EPHA7: variants seen among roughly 807,000 people sequenced by gnomAD.
EPHA7 encodes the protein ephrin type-A receptor 7.
In EPHA7, 25 loss-of-function variants were observed where a neutral mutation model predicts 112.6. That is an observed-to-expected ratio of 0.22 (90% confidence interval 0.16 to 0.31). The LOEUF (loss-of-function observed/expected upper bound fraction) is 0.31, where lower values mean the gene tolerates loss of function less well. Among genes scored for constraint, EPHA7 ranks in the 10% least tolerant of loss-of-function variants. The pLI, the probability that EPHA7 is intolerant of heterozygous loss-of-function variation, is 1.00. For missense variants in EPHA7, 962 were observed against 1,212.6 expected (o/e 0.79, Z 3.07); for synonymous variants, 437 against 406.5 (o/e 1.07, Z -0.90).
Position 93,356,838 on chromosome 6 carries a change from A to C in EPHA7, c.1203T>G (p.Thr401=). 6.2e-7 allele frequency: 1 copy of C among 1,614,182 alleles called. No individual in the cohort carries two copies. Among genetic ancestry groups the C allele is most frequent in the South Asian group, 1.1e-5 (1 of 91,080 alleles). ...TAGCGTGGGCTAGCAGGTCCATGAC[A>C]GTGACATAGTTATCCTCTAATCCAG... ...QQTGLEDNYV[T]VMDLLAHANY... is the part of the protein sequence containing the mutation. The change falls in exon 5 of 17, where the codon ACT becomes ACG. Residue 401 remains threonine, a synonymous_variant. Coordinates refer to ENST00000369303, the MANE Select transcript of EPHA7 (RefSeq NM_004440.4).
chr6:93,344,363 A>T (rs1485752124), intron 5 of EPHA7, among the ~76,000 whole-genome samples: 1 of 151,514 alleles, frequency 6.6e-6, no homozygotes, highest in Non-Finnish European at 1.5e-5. Context: ...GATGTCAGGG[A>T]TGTGAGAAAA....
intron 5 of EPHA7, among the ~76,000 whole-genome samples, chr6:93,321,195 T>G (rs1280085650): frequency 6.6e-6 from 1 of 151,996 alleles, no homozygotes; most frequent in Non-Finnish European, 1.5e-5. Flanking sequence ...ATAACTGGTC[T>G]CCACCAAGTT....
At chr6:93,349,534 A>G (rs1322614820) in intron 5 of EPHA7, among the ~76,000 whole-genome samples, 1 of 151,918 alleles carries the variant, frequency 6.6e-6, no homozygotes, top group Non-Finnish European at 1.5e-5. Flanking sequence ...TTTAATAACA[A>G]TAACACTATC....
intron 3 of EPHA7, among the ~76,000 whole-genome samples, chr6:93,369,571 T>A (rs1355023253): frequency 6.6e-6 from 1 of 152,188 alleles, no homozygotes; most frequent in Non-Finnish European, 1.5e-5. Flanking sequence ...GCCTCCTCCA[T>A]CTTTTCTGAG....
At chr6:93,364,149 A>G (rs570040022) in intron 3 of EPHA7, among the ~76,000 whole-genome samples, 2 of 152,326 alleles carry the variant, frequency 1.3e-5, no homozygotes, top group East Asian at 3.9e-4. Context: ...CTCTGTGACT[A>G]TAACAAAAAT....
chr6:93,242,726 C>A lies in EPHA7; in HGVS notation c.*700G>T, dbSNP rs546619166. 4.6e-6 allele frequency: 1 copy of A among 215,906 alleles called. No homozygotes were observed. Among genetic ancestry groups the A allele is most frequent in the Admixed American group, 5.8e-5 (1 of 17,148 alleles). 13.4% of individuals were successfully genotyped at this position (215,906 alleles called of 1,614,324 possible). ...GTTGTCTGATCTTTACAAAAAAATTCTTTTTAAAAAATATCAGAGCTCTTG... is the reference window on the plus strand; with the variant it reads ...GTTGTCTGATCTTTACAAAAAAATTATTTTTAAAAAATATCAGAGCTCTTG... On this transcript the variant is annotated 3_prime_UTR_variant, in exon 17 of 17. Coordinates refer to ENST00000369303, the MANE Select transcript of EPHA7 (RefSeq NM_004440.4).
At chr6:93,251,471 T>C (rs78398362) in intron 14 of EPHA7, among the ~76,000 whole-genome samples, 5,435 of 150,884 alleles carry the variant, frequency 0.036, 329 homozygotes, top group African/African-American at 0.12. Context: ...AAATACTTTC[T>C]TACGTTATTT....
Position 93,260,785 on chromosome 6 carries a change from G to C in EPHA7, c.1799-1306C>G, listed in dbSNP as rs1250728848. 31 of 952,528 alleles carry C rather than the reference G, an allele frequency of 3.3e-5. No individual in the cohort carries two copies. In the Admixed American group the frequency reaches 6.5e-4, roughly 20 times the overall value. 59.0% of individuals were successfully genotyped at this position (952,528 alleles called of 1,614,324 possible). A position where few individuals can be genotyped will look rare whatever the true frequency, so the allele number is the denominator to read the frequency against. On this transcript the variant is annotated intron_variant, in intron 9 of 16. Coordinates refer to ENST00000369303, the MANE Select transcript of EPHA7 (RefSeq NM_004440.4). Reference sequence around the variant, plus strand: ...ATGCTCATTTGTTACTAAAGCTGAAGATGAAAAAAAAAACAACACGAGAAG... The same window carrying C: ...ATGCTCATTTGTTACTAAAGCTGAACATGAAAAAAAAAACAACACGAGAAG...
In EPHA7 at chr6:93,365,640, C is replaced by T. The variant is rs371303512; in HGVS notation, c.833-7229G>A. 1.1e-3 allele frequency among the ~76,000 whole-genome samples: 175 copies of T among 152,178 alleles called. 1 individual carries two copies. Among genetic ancestry groups the T allele is most frequent in the African/African-American group, 4.0e-3 (167 of 41,514 alleles). On this transcript the variant is annotated intron_variant, in intron 3 of 16. Coordinates refer to ENST00000369303, the MANE Select transcript of EPHA7 (RefSeq NM_004440.4). Reference sequence around the variant, plus strand: ...GTCACTAATATTCTATGATTTTTCACGTTGAGAATGAACAGCGAGCAGGGA... The same window carrying T: ...GTCACTAATATTCTATGATTTTTCATGTTGAGAATGAACAGCGAGCAGGGA...
At chr6:93,252,539 C>T (rs1175934566) in intron 14 of EPHA7, among the ~76,000 whole-genome samples, 1 of 151,758 alleles carries the variant, frequency 6.6e-6, no homozygotes, top group Non-Finnish European at 1.5e-5. Flanking sequence ...CCACAGATTC[C>T]TAGAAAAAAG....
At chr6:93,282,197 A>T (rs903411913) in intron 5 of EPHA7, among the ~76,000 whole-genome samples, 20 of 152,204 alleles carry the variant, frequency 1.3e-4, no homozygotes, top group African/African-American at 4.8e-4. Flanking sequence ...AAGGAAACTG[A>T]AGAAAAAGGG....
At chr6:93,403,583 T>C (rs1032555861) in intron 3 of EPHA7, among the ~76,000 whole-genome samples, 3 of 151,080 alleles carry the variant, frequency 2.0e-5, no homozygotes, top group African/African-American at 7.3e-5. Context: ...TGGGCTGTAG[T>C]GTGCTATGAT....
chr6:93,327,041 C>T (rs185380531), intron 5 of EPHA7, among the ~76,000 whole-genome samples: 53 of 151,614 alleles, frequency 3.5e-4, no homozygotes, highest in Admixed American at 2.0e-3. Flanking sequence ...GAATTGGGCA[C>T]AATATTCCCA....
rs577256983 is a variant in EPHA7 at position 93,381,273 on chromosome 6, A to C, written c.833-22862T>G. On this transcript the variant is annotated intron_variant, in intron 3 of 16. Coordinates refer to ENST00000369303, the MANE Select transcript of EPHA7 (RefSeq NM_004440.4). ...TCACCTGAAAGGAAAATAAGCAATA[A>C]AATTTATTATTTTAAGTTACTGTAT... is the stretch of plus-strand genomic sequence containing the variant. Among the ~76,000 whole-genome samples the C allele has an allele frequency of 2.0e-5, 3 of 152,288 alleles. No homozygotes were observed. The East Asian group carries it at 5.8e-4, about 29-fold the overall frequency.
At position 93,356,702 on chromosome 6, in the gene EPHA7, A is replaced by T; in HGVS notation, c.1324+15T>A. Reference sequence around the variant, plus strand: ...TCACATTATTTCATTCAGTGAAGATAAACACAAAACATACCTGCTTGACCA... The same window carrying T: ...TCACATTATTTCATTCAGTGAAGATTAACACAAAACATACCTGCTTGACCA... On this transcript the variant is annotated intron_variant, in intron 5 of 16. Transcript: ENST00000369303. 1 of 1,589,648 alleles carries T rather than the reference A, an allele frequency of 6.3e-7. No homozygotes were observed. The highest frequency in any genetic ancestry group is 8.6e-7 in the Non-Finnish European group (1 of 1,167,286).
chr6:93,319,410 T>C (rs1773959536), intron 5 of EPHA7, among the ~76,000 whole-genome samples: 1 of 152,046 alleles, frequency 6.6e-6, no homozygotes, highest in Admixed American at 6.6e-5. Context: ...GGAACACTTC[T>C]GGTGTGTTTT....
At chr6:93,418,168 G>A (rs763742036) in intron 1 of EPHA7, among the ~76,000 whole-genome samples, 21 of 150,056 alleles carry the variant, frequency 1.4e-4, no homozygotes, top group Non-Finnish European at 2.7e-4. Flanking sequence ...GGGGGGCGAC[G>A]GGATGAGGGG....
intron 5 of EPHA7, among the ~76,000 whole-genome samples, chr6:93,323,325 G>A (rs963928171): frequency 4.6e-5 from 7 of 151,306 alleles, no homozygotes; most frequent in Non-Finnish European, 1.0e-4. Flanking sequence ...AAACGTTTTC[G>A]AGTGCATTTA....
intron 3 of EPHA7, among the ~76,000 whole-genome samples, chr6:93,364,683 A>G (rs1383248139): frequency 6.6e-6 from 1 of 152,168 alleles, no homozygotes; most frequent in Non-Finnish European, 1.5e-5. Flanking sequence ...CAAATTTTAT[A>G]AAGTTGCATT....
Sources: allele counts gnomAD v4.1 joint callset (sites outside exome capture counted in the v4.1 genomes callset), GRCh38; gene constraint gnomAD v4.1.1; transcripts MANE v1.5; gene names NCBI Gene and HGNC (gene_info 2026-07-23, HGNC 2026-07-21).